Variants in KIAA1671 observed in about 807,000 individuals in gnomAD.
The protein encoded by KIAA1671 is uncharacterized protein KIAA1671.
In KIAA1671, 52 loss-of-function variants were observed where a neutral mutation model predicts 131.2. The ratio of observed to expected loss-of-function variants is 0.40; its 90% CI spans 0.32 to 0.50. KIAA1671 has a LOEUF of 0.50. Ranked by LOEUF, KIAA1671 falls within the 20% of genes least tolerant of loss-of-function variation. The pLI is 0.73. For synonymous variants in KIAA1671, 1,003 were observed against 961.6 expected, an observed-to-expected ratio of 1.04 and a Z score of -0.80; for missense variants, 2,360 against 2,364.2, an observed-to-expected ratio of 1.00 and a Z score of 0.04.
chr22:25,076,863 A>G (rs1195050772), intron 6 of KIAA1671, among the ~76,000 whole-genome samples: 1 of 152,208 alleles, frequency 6.6e-6, no homozygotes, highest in Non-Finnish European at 1.5e-5. Context: ...GGGTCTCATT[A>G]TATCCTTATA....
chr22:25,121,563 C>A (rs2145929393), intron 6 of KIAA1671, among the ~76,000 whole-genome samples: 1 of 152,038 alleles, frequency 6.6e-6, no homozygotes, highest in East Asian at 1.9e-4. Context: ...TGTTTAACAA[C>A]CCCGTCTTCT....
intron 1 of KIAA1671, among the ~76,000 whole-genome samples, chr22:24,968,929 T>TAGGAG (rs1922450344): frequency 2.0e-5 from 3 of 152,180 alleles, no homozygotes; most frequent in Admixed American, 6.5e-5. Context: ...AGACAGGGCC[T>TAGGAG]TGCCCTGTCA....
chr22:25,161,740 T>C (rs1235224035), intron 6 of KIAA1671, among the ~76,000 whole-genome samples: 1 of 152,128 alleles, frequency 6.6e-6, no homozygotes, highest in African/African-American at 2.4e-5. Flanking sequence ...TGGCCAATCC[T>C]TGGTCTCCAG....
intron 6 of KIAA1671, among the ~76,000 whole-genome samples, chr22:25,153,577 G>A (rs1456580673): frequency 2.6e-5 from 4 of 152,244 alleles, no homozygotes; most frequent in Non-Finnish European, 4.4e-5. Flanking sequence ...TGAGATTGGG[G>A]CTGGTGGAGC....
At chr22:24,995,439 C>T (rs1234489126) in intron 1 of KIAA1671, among the ~76,000 whole-genome samples, 5 of 151,910 alleles carry the variant, frequency 3.3e-5, no homozygotes, top group African/African-American at 1.2e-4. Context: ...TCACTGCAGC[C>T]TCAACCTCCC....
At chr22:25,140,530 C>T (rs949334385) in intron 6 of KIAA1671, among the ~76,000 whole-genome samples, 1 of 152,182 alleles carries the variant, frequency 6.6e-6, no homozygotes, top group Admixed American at 6.5e-5. Flanking sequence ...GAATAACATC[C>T]CATCCCCTTT....
At chr22:24,979,829 C>A (rs1055647301) in intron 1 of KIAA1671, among the ~76,000 whole-genome samples, 6 of 152,148 alleles carry the variant, frequency 3.9e-5, no homozygotes, top group Non-Finnish European at 7.4e-5. Context: ...GTTTTATTTT[C>A]TTTCTCTATG....
intron 1 of KIAA1671, among the ~76,000 whole-genome samples, chr22:24,999,043 G>A (rs1924294588): frequency 6.6e-6 from 1 of 152,154 alleles, no homozygotes; most frequent in African/African-American, 2.4e-5. Context: ...TGGAATTGCC[G>A]GCTCACAGGT....
At chr22:24,955,600 G>C (rs181890159) in intron 1 of KIAA1671, among the ~76,000 whole-genome samples, 1 of 152,310 alleles carries the variant, frequency 6.6e-6, no homozygotes, top group East Asian at 1.9e-4. Context: ...GATCACAGTG[G>C]AAGGGTCTCT....
In KIAA1671 at chr22:25,132,301, A is replaced by G. The variant is rs1017252752; in HGVS notation, c.4531-38519A>G. On this transcript the variant is annotated intron_variant, in intron 6 of 12. Coordinates refer to ENST00000358431, the MANE Select transcript of KIAA1671 (RefSeq NM_001145206.2). ...GCCCCACCTCCTAGACATCTGACATAATTGGTCTGAGATGCAGTCCAGGCG... is the reference window on the plus strand; with the variant it reads ...GCCCCACCTCCTAGACATCTGACATGATTGGTCTGAGATGCAGTCCAGGCG... 5.9e-5 allele frequency among the ~76,000 whole-genome samples: 9 copies of G among 152,120 alleles called. 1 individual carries two copies. The highest frequency in any genetic ancestry group is 7.4e-5 in the Non-Finnish European group (5 of 68,022).
intron 6 of KIAA1671, among the ~76,000 whole-genome samples, chr22:25,159,849 T>C (rs1216809198): frequency 6.6e-6 from 1 of 152,194 alleles, no homozygotes; most frequent in Non-Finnish European, 1.5e-5. Context: ...ATCTGCAATC[T>C]AAAAGTTTGT....
At chr22:24,983,390 G>A (rs754068514) in intron 1 of KIAA1671, among the ~76,000 whole-genome samples, 2 of 152,114 alleles carry the variant, frequency 1.3e-5, no homozygotes, top group Non-Finnish European at 2.9e-5. Flanking sequence ...ATGTCTGTGT[G>A]TTCTTTTTTT....
chr22:25,105,055 G>C (rs566109588), intron 6 of KIAA1671, among the ~76,000 whole-genome samples: 2 of 150,144 alleles, frequency 1.3e-5, no homozygotes, highest in Non-Finnish European at 3.0e-5. Flanking sequence ...ACTGAGTCTC[G>C]CTCTGTTGCC....
intron 5 of KIAA1671, among the ~76,000 whole-genome samples, chr22:25,046,673 G>A (rs1029371632): frequency 1.3e-5 from 2 of 151,670 alleles, no homozygotes; most frequent in African/African-American, 2.4e-5. Context: ...TTCTTTTGAG[G>A]CTTCTTTATG....
intron 6 of KIAA1671, among the ~76,000 whole-genome samples, chr22:25,093,879 T>C: frequency 7.0e-6 from 1 of 141,860 alleles, no homozygotes; most frequent in Non-Finnish European, 1.5e-5. Context: ...TCTCTCTCTC[T>C]CTCTCTCCCT....
In KIAA1671 at chr22:24,978,165, A is replaced by G. The variant is rs139724084; in HGVS notation, c.-208+25393A>G. 2.0e-5 allele frequency among the ~76,000 whole-genome samples: 3 copies of G among 152,302 alleles called. No homozygotes were observed. The East Asian group carries it at 5.8e-4, about 29-fold the overall frequency. On this transcript the variant is annotated intron_variant, in intron 1 of 12. Transcript: ENST00000358431. ...AGATCTCATCTTGAATTGTACTCCT[A>G]TAATTCCCATGTGTTGTGAGAGGGA...
At chr22:25,173,072 G>A (rs541990472) in intron 7 of KIAA1671, among the ~76,000 whole-genome samples, 2 of 152,302 alleles carry the variant, frequency 1.3e-5, no homozygotes, top group East Asian at 1.9e-4. Flanking sequence ...CAATCATGGC[G>A]GAAGGTGAAG....
chr22:25,113,846 CT>C (rs371882034), intron 6 of KIAA1671, among the ~76,000 whole-genome samples: 19 of 152,340 alleles, frequency 1.2e-4, no homozygotes, highest in African/African-American at 4.6e-4. Flanking sequence ...TTCATTCTGT[CT>C]CCCTCTGTGT....
chr22:25,003,904 G>C (rs1185476691), intron 1 of KIAA1671, among the ~76,000 whole-genome samples: 1 of 149,660 alleles, frequency 6.7e-6, no homozygotes, highest in Non-Finnish European at 1.5e-5. Context: ...TGCAGCCTCT[G>C]CCTCCTGGGT....
Sources: gnomAD v4.1 joint callset for allele counts (sites outside exome capture counted in the v4.1 genomes callset) on GRCh38, gnomAD v4.1.1 for gene constraint, MANE v1.5 for transcripts, NCBI Gene and HGNC (gene_info 2026-07-23, HGNC 2026-07-21) for gene names.